PPP2R2B: variants seen among roughly 807,000 people sequenced by gnomAD.
The protein encoded by PPP2R2B is protein phosphatase 2 regulatory subunit Bbeta, also known as serine/threonine-protein phosphatase 2A 55 kDa regulatory subunit B beta isoform.
In PPP2R2B, 5 loss-of-function variants were observed where a neutral mutation model predicts 46.0. The observed-to-expected ratio is 0.11, with a 90% CI of 0.06 to 0.23. The LOEUF (loss-of-function observed/expected upper bound fraction) is 0.23. Ranked by LOEUF, PPP2R2B falls within the 10% of genes least tolerant of loss-of-function variation. PPP2R2B has a pLI of 1.00. For missense variants in PPP2R2B, 367 were observed against 575.0 expected (o/e 0.64, Z 3.70); for synonymous variants, 215 against 206.7 (o/e 1.04, Z -0.34).
At chr5:146,933,664 T>C (rs918611392) in intron 1 of PPP2R2B, among the ~76,000 whole-genome samples, 1 of 151,850 alleles carries the variant, frequency 6.6e-6, no homozygotes, top group Admixed American at 6.6e-5. Flanking sequence ...GGAAGTTCTT[T>C]TTTTTTTTTA....
At chr5:146,845,613 A>C (rs976097783) in intron 2 of PPP2R2B, among the ~76,000 whole-genome samples, 1 of 152,146 alleles carries the variant, frequency 6.6e-6, no homozygotes, top group Non-Finnish European at 1.5e-5. Context: ...TGTAAGCTGA[A>C]GAACAGACAC....
intron 3 of PPP2R2B, among the ~76,000 whole-genome samples, chr5:146,698,708 T>A (rs1041284044): frequency 3.3e-5 from 5 of 151,336 alleles, no homozygotes; most frequent in Admixed American, 6.6e-5. Context: ...GTCTCACAGC[T>A]CATAAGGAGC....
intron 2 of PPP2R2B, chr5:146,856,486 A>G (rs1170571506): frequency 1.2e-5 from 18 of 1,547,112 alleles, no homozygotes; most frequent in Non-Finnish European, 1.4e-5. Context: ...GGTATAAATA[A>G]TAATACGAAT....
At chr5:146,756,141 CT>C (rs1753817236) in intron 2 of PPP2R2B, among the ~76,000 whole-genome samples, 1 of 152,130 alleles carries the variant, frequency 6.6e-6, no homozygotes, top group Admixed American at 6.6e-5. Flanking sequence ...AGATTTAGTA[CT>C]TCTGAAAGAT....
chr5:146,707,707 T>G (rs1411952426), intron 2 of PPP2R2B: 5 of 490,856 alleles, frequency 1.0e-5, no homozygotes, highest in African/African-American at 9.7e-5. Flanking sequence ...TAAAGCAATA[T>G]GTACACTTAC....
intron 2 of PPP2R2B, among the ~76,000 whole-genome samples, chr5:146,860,785 A>G (rs1760939168): frequency 6.6e-6 from 1 of 152,132 alleles, no homozygotes; most frequent in Non-Finnish European, 1.5e-5. Flanking sequence ...GTTTTCCATC[A>G]TTGCAATTGA....
At chr5:146,698,645 G>A (rs926590879) in intron 3 of PPP2R2B, among the ~76,000 whole-genome samples, 91 of 151,984 alleles carry the variant, frequency 6.0e-4, no homozygotes, top group African/African-American at 2.1e-3. Flanking sequence ...CTGAGGTAGG[G>A]TGGGGCAAGG....
intron 1 of PPP2R2B, among the ~76,000 whole-genome samples, chr5:146,939,832 CA>C (rs1025764674): frequency 1.3e-5 from 2 of 152,030 alleles, no homozygotes; most frequent in Non-Finnish European, 2.9e-5. Context: ...TTATACTTCC[CA>C]ACATTATATA....
chr5:146,920,773 T>C (rs190110561), intron 1 of PPP2R2B, among the ~76,000 whole-genome samples: 54 of 152,326 alleles, frequency 3.5e-4, no homozygotes, highest in African/African-American at 1.3e-3. Flanking sequence ...TGTGTGTGTG[T>C]GTTTGTTTTG....
chr5:146,599,393 G>C (rs1771553548), intron 8 of PPP2R2B, among the ~76,000 whole-genome samples: 1 of 152,078 alleles, frequency 6.6e-6, no homozygotes, highest in Non-Finnish European at 1.5e-5. Flanking sequence ...TATCTAAATT[G>C]TCTGTTTGGC....
At chr5:146,721,549 G>A (rs1317365284) in intron 2 of PPP2R2B, among the ~76,000 whole-genome samples, 7 of 152,338 alleles carry the variant, frequency 4.6e-5, no homozygotes, top group Non-Finnish European at 7.3e-5. Context: ...TTTGCTGCTC[G>A]TTGGCACAGT....
At chr5:146,819,668 T>G (rs902380244) in intron 2 of PPP2R2B, among the ~76,000 whole-genome samples, 3 of 152,200 alleles carry the variant, frequency 2.0e-5, no homozygotes, top group Non-Finnish European at 4.4e-5. Context: ...TTTGCTTTTT[T>G]TAAAGAAATT....
chr5:146,695,983 T>TTG (rs1779152140), intron 4 of PPP2R2B, among the ~76,000 whole-genome samples: 1 of 152,204 alleles, frequency 6.6e-6, no homozygotes, highest in African/African-American at 2.4e-5. Flanking sequence ...GATAATATCC[T>TTG]TGTTAATCAA....
intron 2 of PPP2R2B, among the ~76,000 whole-genome samples, chr5:146,815,040 C>A (rs763282544): frequency 6.6e-6 from 1 of 152,162 alleles, no homozygotes; most frequent in Non-Finnish European, 1.5e-5. Flanking sequence ...AGATACGTTC[C>A]GCTGCTAACA....
At chr5:146,776,384 G>A (rs907360922) in intron 2 of PPP2R2B, among the ~76,000 whole-genome samples, 4 of 151,962 alleles carry the variant, frequency 2.6e-5, no homozygotes, top group Admixed American at 1.3e-4. Context: ...AGGGTGTCAA[G>A]ACCATTCATT....
chr5:146,832,302 T>A (rs549519097), intron 2 of PPP2R2B, among the ~76,000 whole-genome samples: 14 of 148,320 alleles, frequency 9.4e-5, no homozygotes, highest in Admixed American at 6.0e-4. Flanking sequence ...AGTCAGTGAC[T>A]CACCCAGAAC....
At chr5:146,934,849 G>A (rs1367118527) in intron 1 of PPP2R2B, among the ~76,000 whole-genome samples, 2 of 151,886 alleles carry the variant, frequency 1.3e-5, no homozygotes, top group Non-Finnish European at 2.9e-5. Context: ...ATCACCAGCT[G>A]ATAATGTCTG....
chr5:147,000,093 T>C (rs1754098123), intron 1 of PPP2R2B, among the ~76,000 whole-genome samples: 1 of 152,174 alleles, frequency 6.6e-6, no homozygotes, highest in African/African-American at 2.4e-5. Context: ...GACAGAGGGA[T>C]TCCAAGAGGA....
rs948962318 is a variant in PPP2R2B, at chr5:146,580,768, C to T, written c.*9179G>A. On this transcript the variant is annotated 3_prime_UTR_variant, in exon 10 of 10. Transcript: ENST00000394411. ...CACATTAGGAAGAATTTATTGAATGCTAGATAACATGGAAAAGCTATAATT... is the reference window on the plus strand; with the variant it reads ...CACATTAGGAAGAATTTATTGAATGTTAGATAACATGGAAAAGCTATAATT... 6.8e-6 allele frequency among the ~76,000 whole-genome samples: 1 copy of T among 146,454 alleles called. No individual in the cohort carries two copies. The highest frequency in any genetic ancestry group is 2.3e-4 in the South Asian group (1 of 4,386).
Sources: allele counts gnomAD v4.1 joint callset (sites outside exome capture counted in the v4.1 genomes callset), GRCh38; gene constraint gnomAD v4.1.1; transcripts MANE v1.5; gene names NCBI Gene and HGNC (gene_info 2026-07-23, HGNC 2026-07-21).